The following TMTC1 variants were observed in gnomAD, a reference collection of about 807,000 sequenced individuals.
The protein encoded by TMTC1 is transmembrane O-mannosyltransferase targeting cadherins 1.
A neutral mutation model predicts 104.8 loss-of-function variants in TMTC1; 73 were observed. The ratio of observed to expected loss-of-function variants is 0.70; its 90% CI spans 0.58 to 0.85. The LOEUF (loss-of-function observed/expected upper bound fraction) is 0.85, where lower values mean the gene tolerates loss of function less well. TMTC1 is among the 40% of genes least tolerant of loss of function. The pLI is 0.00. For synonymous variants in TMTC1, 434 were observed against 428.7 expected (o/e 1.01, Z -0.15); for missense variants, 1,035 against 1,096.1 (o/e 0.94, Z 0.79).
intron 7 of TMTC1, among the ~76,000 whole-genome samples, chr12:29,586,491 AG>A (rs1300847200): frequency 6.6e-6 from 1 of 152,180 alleles, no homozygotes; most frequent in East Asian, 1.9e-4. Flanking sequence ...GAGTGGTGAG[AG>A]AGGACATCCC....
chr12:29,653,529 G>A (rs1321327009), intron 5 of TMTC1, among the ~76,000 whole-genome samples: 1 of 152,124 alleles, frequency 6.6e-6, no homozygotes, highest in Non-Finnish European at 1.5e-5. Context: ...AAGATACAAT[G>A]TCTCCTTTGT....
chr12:29,664,181 CG>C (rs1205759003), intron 5 of TMTC1, among the ~76,000 whole-genome samples: 1 of 144,122 alleles, frequency 6.9e-6, no homozygotes, highest in East Asian at 2.0e-4. Context: ...AGCGAGACTC[CG>C]TCTCAAAAAA....
chr12:29,665,330 T>G (rs1304519456), intron 5 of TMTC1, among the ~76,000 whole-genome samples: 1 of 152,224 alleles, frequency 6.6e-6, no homozygotes, highest in African/African-American at 2.4e-5. Context: ...CAACTTCTGA[T>G]TCTTGCCAAA....
intron 10 of TMTC1, among the ~76,000 whole-genome samples, chr12:29,544,722 A>G (rs1489959998): frequency 1.3e-5 from 2 of 152,228 alleles, no homozygotes; most frequent in East Asian, 1.9e-4. Context: ...AGATTAAGGG[A>G]AAGTGTAAAA....
intron 5 of TMTC1, among the ~76,000 whole-genome samples, chr12:29,710,667 T>A (rs1488340519): frequency 7.1e-6 from 1 of 141,638 alleles, no homozygotes; most frequent in Admixed American, 7.3e-5. Flanking sequence ...TATATTATTT[T>A]TATATTTATA....
At chr12:29,604,357 C>T (rs1047445708) in intron 6 of TMTC1, 58 bp from the exon 7 acceptor site, 1 of 1,605,144 alleles carries the variant, frequency 6.2e-7, no homozygotes, top group Non-Finnish European at 8.5e-7. Flanking sequence ...CTTCAGGCAG[C>T]ATTTAACCAT....
At chr12:29,677,491 A>G (rs1322617099) in intron 5 of TMTC1, among the ~76,000 whole-genome samples, 1 of 152,258 alleles carries the variant, frequency 6.6e-6, no homozygotes, top group African/African-American at 2.4e-5. Flanking sequence ...TTCTTCATTT[A>G]CAAAAGACAA....
At chr12:29,673,712 T>C (rs979103970) in intron 5 of TMTC1, among the ~76,000 whole-genome samples, 4 of 150,828 alleles carry the variant, frequency 2.7e-5, no homozygotes, top group Non-Finnish European at 5.9e-5. Flanking sequence ...TCATTATCTC[T>C]GTGTAAGATG....
chr12:29,540,087 G>A (rs897160407), intron 10 of TMTC1, among the ~76,000 whole-genome samples: 1 of 152,044 alleles, frequency 6.6e-6, no homozygotes, highest in Non-Finnish European at 1.5e-5. Context: ...GAAAAATATG[G>A]TAGGAAAATG....
chr12:29,736,811 GC>G (rs887195291), intron 5 of TMTC1, among the ~76,000 whole-genome samples: 2 of 152,202 alleles, frequency 1.3e-5, no homozygotes, highest in African/African-American at 4.8e-5. Flanking sequence ...CATGCCCACA[GC>G]AAAAGCTTGC....
intron 7 of TMTC1, among the ~76,000 whole-genome samples, chr12:29,583,900 C>T (rs1483093661): frequency 1.3e-5 from 2 of 152,164 alleles, no homozygotes; most frequent in African/African-American, 4.8e-5. Flanking sequence ...CTGAATGGCT[C>T]CTCTGACCCA....
At chr12:29,513,337 TAC>T (rs760268550) in intron 16 of TMTC1, among the ~76,000 whole-genome samples, 36 of 147,724 alleles carry the variant, frequency 2.4e-4, no homozygotes, top group African/African-American at 6.6e-4. Flanking sequence ...TATATATATA[TAC>T]ACACACACAC....
rs530993986 is a variant in TMTC1 at position 29,689,475 on chromosome 12, G to A, written c.939-56139C>T. On this transcript the variant is annotated intron_variant, in intron 5 of 17. Transcript: ENST00000539277. ...ACTACAGGCGTGCGCCACCACACCT[G>A]GCTAAGTTTTGTATTTTTAGTAGAG... is the stretch of plus-strand genomic sequence containing the variant. Among the ~76,000 whole-genome samples, 4 of 152,084 alleles carry A rather than the reference G, an allele frequency of 2.6e-5. No homozygotes were observed. The South Asian group carries it at 8.3e-4, about 32-fold the overall frequency.
At chr12:29,564,390 G>A (rs1215428075) in intron 9 of TMTC1, among the ~76,000 whole-genome samples, 1 of 152,060 alleles carries the variant, frequency 6.6e-6, no homozygotes, top group Non-Finnish European at 1.5e-5. Context: ...GGAAGGAGGA[G>A]AGGGTCCTGA....
intron 6 of TMTC1, among the ~76,000 whole-genome samples, chr12:29,606,272 G>A (rs76899866): frequency 0.036 from 5,465 of 152,216 alleles, 353 homozygotes; most frequent in African/African-American, 0.13. Context: ...TTAATTCAAT[G>A]AAAAATCTCC....
At chr12:29,591,130 T>G (rs1334456898) in intron 7 of TMTC1, among the ~76,000 whole-genome samples, 3 of 152,242 alleles carry the variant, frequency 2.0e-5, no homozygotes, top group Non-Finnish European at 2.9e-5. Flanking sequence ...TACTTAGGTT[T>G]GCAAATTTCT....
intron 7 of TMTC1, among the ~76,000 whole-genome samples, chr12:29,598,369 A>G (rs1188256111): frequency 6.6e-6 from 1 of 152,220 alleles, no homozygotes; most frequent in Non-Finnish European, 1.5e-5. Context: ...ATCCTACAGA[A>G]TTGTTTCAAT....
In TMTC1 at chr12:29,783,303, A is replaced by T. The variant is rs1258916334; in HGVS notation, c.302+147T>A. ...GCAGTGGATCCCGGAGCAAAGTGCC[A>T]TGCACATCCTGGAGAGGAGGGAGGC... On this transcript the variant is annotated intron_variant, in intron 1 of 17. Transcript: ENST00000539277. This position sits in a 1 kb window ranked among gnomAD's most constrained non-coding sequence, Gnocchi z 4.7. 6 of 714,108 alleles carry T rather than the reference A, an allele frequency of 8.4e-6. No homozygotes were observed. The highest frequency in any genetic ancestry group is 4.3e-5 in the Admixed American group (1 of 23,116). The allele number at this position is 714,108 out of a possible 1,614,324, so 44.2% of individuals were successfully genotyped here. A position where few individuals can be genotyped will look rare whatever the true frequency, so the allele number is the denominator to read the frequency against.
chr12:29,641,956 C>G (rs535426228), intron 5 of TMTC1, among the ~76,000 whole-genome samples: 1 of 152,252 alleles, frequency 6.6e-6, no homozygotes, highest in South Asian at 2.1e-4. Context: ...CTTGGAAGTT[C>G]TCAGCAATAT....
Sources: gnomAD v4.1 joint callset for allele counts (sites outside exome capture counted in the v4.1 genomes callset) on GRCh38, gnomAD v4.1.1 for gene constraint, Gnocchi (gnomAD v3.1) non-coding constraint, MANE v1.5 for transcripts, NCBI Gene and HGNC (gene_info 2026-07-23, HGNC 2026-07-21) for gene names.